Variants in RGS9 observed in about 807,000 individuals in gnomAD.
The protein encoded by RGS9 is regulator of G protein signaling 9.
A neutral mutation model predicts 102.0 loss-of-function variants in RGS9; 78 were observed. That is an observed-to-expected ratio of 0.76 (90% CI 0.64 to 0.92). The LOEUF (loss-of-function observed/expected upper bound fraction) is 0.92, where lower values mean the gene tolerates loss of function less well. Ranked by LOEUF, RGS9 falls within the 40% of genes least tolerant of loss-of-function variation. The probability of loss-of-function intolerance (pLI) is 0.00; values close to 1 mark genes in which losing one functional copy is unlikely to be tolerated. For synonymous variants in RGS9, 353 were observed against 318.6 expected, an observed-to-expected ratio of 1.11 and a Z score of -1.15; for missense variants, 833 against 866.1, an observed-to-expected ratio of 0.96 and a Z score of 0.48.
chr17:65,198,466 G>T (rs1403879340), intron 13 of RGS9, among the ~76,000 whole-genome samples: 2 of 152,068 alleles, frequency 1.3e-5, no homozygotes, highest in Non-Finnish European at 2.9e-5. Context: ...ATGTTGGCCA[G>T]GCTGGTCTCG....
intron 9 of RGS9, among the ~76,000 whole-genome samples, chr17:65,180,504 C>A (rs1598592228): frequency 6.6e-6 from 1 of 152,068 alleles, no homozygotes; most frequent in Non-Finnish European, 1.5e-5. Context: ...TGTTCCACCA[C>A]GCCCAGCTAA....
chr17:65,223,752 C>CTTTTTTTTTTTTTTTTTT (rs528795738), intron 17 of RGS9, among the ~76,000 whole-genome samples: 3 of 137,594 alleles, frequency 2.2e-5, no homozygotes, highest in Admixed American at 7.3e-5. Flanking sequence ...TCATGCCAGG[C>CTTTTTTTTTTTTTTTTTT]TTTTTTTTTT....
intron 5 of RGS9, 130 bp from the exon 6 acceptor site, chr17:65,160,721 C>T (rs1210624554): frequency 7.2e-7 from 1 of 1,395,332 alleles, no homozygotes; most frequent in Non-Finnish European, 1.0e-6. Context: ...GGGCATGTCC[C>T]CAGGGGCAAG....
chr17:65,175,224 T>C (rs1911580923), intron 8 of RGS9, among the ~76,000 whole-genome samples: 1 of 151,966 alleles, frequency 6.6e-6, no homozygotes, highest in African/African-American at 2.4e-5. Context: ...AGGGCATGTA[T>C]GTATGTGAGC....
At chr17:65,153,889 C>CAAACA (rs372993920) in intron 2 of RGS9, among the ~76,000 whole-genome samples, 87 of 151,408 alleles carry the variant, frequency 5.7e-4, no homozygotes, top group African/African-American at 1.2e-3. Flanking sequence ...GACTCCGTCT[C>CAAACA]AAACAAAACA....
Position 65,157,919 on chromosome 17 carries a change from A to ATG in RGS9, c.155-360_155-359dup, listed in dbSNP as rs149306337. Among the ~76,000 whole-genome samples, 1,063 of 150,778 alleles carry ATG rather than the reference A, an allele frequency of 7.1e-3. 10 individuals are homozygous for ATG. The highest frequency in any genetic ancestry group is 0.023 in the African/African-American group (947 of 41,106). On this transcript the variant is annotated intron_variant, in intron 2 of 18. Transcript: ENST00000262406. Reference sequence around the variant, plus strand: ...CCTCGGGTCTGTTTTGTGTGTGTGTATGTGTGTGTGTGTGTGTTTAGACTT... The same window carrying ATG: ...CCTCGGGTCTGTTTTGTGTGTGTGTATGTGTGTGTGTGTGTGTGTTTAGACTT...
intron 1 of RGS9, among the ~76,000 whole-genome samples, chr17:65,144,738 G>A (rs73345887): frequency 0.058 from 8,793 of 152,230 alleles, 414 homozygotes; most frequent in African/African-American, 0.13. Context: ...GAGAACTTGG[G>A]AAACAGTTCA....
In RGS9 at chr17:65,167,362, C is replaced by A. The variant is rs940429755; in HGVS notation, c.501-838C>A. Among the ~76,000 whole-genome samples the A allele has an allele frequency of 3.3e-5, 5 of 151,642 alleles. No individual in the cohort carries two copies. The South Asian group carries it at 1.0e-3, about 32-fold the overall frequency. On this transcript the variant is annotated intron_variant, in intron 7 of 18. Coordinates refer to ENST00000262406, the MANE Select transcript of RGS9 (RefSeq NM_003835.4). ...GATTACAAGTGCTTGCCACCATGCCCGGAACATTTTTATATTTTTGGTAGA... is the reference window on the plus strand; with the variant it reads ...GATTACAAGTGCTTGCCACCATGCCAGGAACATTTTTATATTTTTGGTAGA...
intron 8 of RGS9, among the ~76,000 whole-genome samples, chr17:65,169,373 C>T (rs1045470042): frequency 5.9e-5 from 9 of 152,238 alleles, no homozygotes; most frequent in South Asian, 2.1e-4. Flanking sequence ...AGATGCCTGA[C>T]GCAGGTATCT....
intron 1 of RGS9, among the ~76,000 whole-genome samples, chr17:65,151,323 C>A (rs1465872982): frequency 7.0e-6 from 1 of 143,542 alleles, no homozygotes; most frequent in Admixed American, 7.0e-5. Flanking sequence ...CCAGCCTGGG[C>A]GACAGAGGAA....
chr17:65,153,362 G>A (rs1910652600), intron 1 of RGS9, 60 bp from the exon 2 acceptor site: 2 of 1,395,910 alleles, frequency 1.4e-6, no homozygotes, highest in East Asian at 4.6e-5. Flanking sequence ...AGTGGAAATT[G>A]CCCTGCACAA....
chr17:65,160,633 CT>C (rs1910946954), intron 5 of RGS9, 46 bp downstream of exon 5: 1 of 1,592,130 alleles, frequency 6.3e-7, no homozygotes, highest in South Asian at 1.1e-5. Context: ...GCTTAACATG[CT>C]GCTTATTTAC....
chr17:65,177,055 G>GTCCATCCATCCATCCATCCA (rs35750645), intron 8 of RGS9, among the ~76,000 whole-genome samples: 1 of 132,842 alleles, frequency 7.5e-6, no homozygotes, highest in South Asian at 2.6e-4. Flanking sequence ...TCATTTGTTT[G>GTCCATCCATCCATCCATCCA]TCCATCCATC....
intron 1 of RGS9, among the ~76,000 whole-genome samples, chr17:65,142,022 T>G (rs1294645396): frequency 2.6e-5 from 4 of 152,140 alleles, no homozygotes; most frequent in Non-Finnish European, 5.9e-5. Context: ...TTTGGGAGGC[T>G]GAGGTGGACG....
chr17:65,217,581 T>A (rs1446880222), intron 17 of RGS9, among the ~76,000 whole-genome samples: 4 of 152,136 alleles, frequency 2.6e-5, no homozygotes, highest in Non-Finnish European at 5.9e-5. Flanking sequence ...GTGAGCTGTG[T>A]GTGTAGATTA....
chr17:65,181,264 A>T (rs1301356270), intron 9 of RGS9, among the ~76,000 whole-genome samples: 1 of 152,220 alleles, frequency 6.6e-6, no homozygotes, highest in Non-Finnish European at 1.5e-5. Context: ...TTCCCACCAG[A>T]AGCATATAAG....
intron 14 of RGS9, among the ~76,000 whole-genome samples, chr17:65,202,987 A>T (rs548056200): frequency 6.6e-6 from 1 of 152,312 alleles, no homozygotes; most frequent in East Asian, 1.9e-4. Flanking sequence ...AAGCCCAAGC[A>T]CCACGCTGGG....
In RGS9 at chr17:65,137,496, TGTCTCCCACTG is replaced by T. The variant is rs1437237291; in HGVS notation, c.-42_-32del. On this transcript the variant is annotated 5_prime_UTR_variant, in exon 1 of 19. Coordinates refer to ENST00000262406, the MANE Select transcript of RGS9 (RefSeq NM_003835.4). Reference sequence around the variant, plus strand: ...TTCGAACTTGGGGGGCTTCTCCTCTTGTCTCCCACTGGTGCTCTGGCTGTGAATCCATCCAG... The same window carrying T: ...TTCGAACTTGGGGGGCTTCTCCTCTTGTGCTCTGGCTGTGAATCCATCCAG... The T allele has an allele frequency of 1.3e-6, 2 of 1,598,716 alleles. No homozygotes were observed. The highest frequency in any genetic ancestry group is 2.7e-5 in the African/African-American group (2 of 74,642).
At chr17:65,145,588 G>T (rs1369121640) in intron 1 of RGS9, among the ~76,000 whole-genome samples, 2 of 146,672 alleles carry the variant, frequency 1.4e-5, no homozygotes, top group Admixed American at 6.8e-5. Context: ...TAGAGATGAG[G>T]TTTGCCATGT....
Sources: gnomAD v4.1 joint callset for allele counts (sites outside exome capture counted in the v4.1 genomes callset) on GRCh38, gnomAD v4.1.1 for gene constraint, MANE v1.5 for transcripts, NCBI Gene and HGNC (gene_info 2026-07-23, HGNC 2026-07-21) for gene names.